The following TAS2R1 variants were observed in gnomAD, a reference collection of about 807,000 sequenced individuals.
TAS2R1 encodes the protein taste receptor type 2 member 1.
For synonymous variants in TAS2R1, 141 were observed against 134.2 expected (o/e 1.05, Z -0.35); for missense variants, 370 against 353.4 (o/e 1.05, Z -0.38).
At chr5:9,817,858 G>A in the TAS2R1 span, among the ~76,000 whole-genome samples, 1 of 151,764 alleles carries the variant, frequency 6.6e-6, no homozygotes, top group African/African-American at 2.4e-5. Context: ...CTTACATGGA[G>A]GCAGGAGAGC....
At chr5:9,838,818 C>T in the TAS2R1 span, among the ~76,000 whole-genome samples, 1 of 152,186 alleles carries the variant, frequency 6.6e-6, no homozygotes, top group Non-Finnish European at 1.5e-5. Context: ...ATCTTCAACG[C>T]TGGAAATGAT....
the TAS2R1 span, among the ~76,000 whole-genome samples, chr5:9,721,081 A>T: frequency 1.3e-5 from 2 of 152,194 alleles, no homozygotes; most frequent in African/African-American, 2.4e-5. Context: ...GCTTACCTAT[A>T]TAAATAGATA....
chr5:9,788,658 A>C, the TAS2R1 span, among the ~76,000 whole-genome samples: 1 of 152,174 alleles, frequency 6.6e-6, no homozygotes, highest in Non-Finnish European at 1.5e-5. Flanking sequence ...TTATGGGTCT[A>C]TTTGTCTTGC....
chr5:9,673,280 C>T (rs1219826345), intron 1 of TAS2R1, among the ~76,000 whole-genome samples: 1 of 152,200 alleles, frequency 6.6e-6, no homozygotes, highest in South Asian at 2.1e-4. Flanking sequence ...TGCACATTTA[C>T]CCCTGAAGCT....
chr5:9,895,494 C>T, the TAS2R1 span, among the ~76,000 whole-genome samples: 2 of 152,194 alleles, frequency 1.3e-5, no homozygotes, highest in Non-Finnish European at 2.9e-5. Context: ...CTGCTGATTA[C>T]TGGAATAGCG....
chr5:9,743,691 G>A, the TAS2R1 span, among the ~76,000 whole-genome samples: 17 of 152,208 alleles, frequency 1.1e-4, no homozygotes, highest in Non-Finnish European at 1.8e-4. Flanking sequence ...GCAATGTCAC[G>A]AATTGTACAT....
the TAS2R1 span, among the ~76,000 whole-genome samples, chr5:9,881,652 A>G: frequency 6.6e-6 from 1 of 152,252 alleles, no homozygotes; most frequent in African/African-American, 2.4e-5. Context: ...ACTGGTACAA[A>G]AATAGACACA....
intron 1 of TAS2R1, among the ~76,000 whole-genome samples, chr5:9,671,094 C>T (rs910443445): frequency 2.0e-5 from 3 of 152,160 alleles, no homozygotes; most frequent in African/African-American, 7.2e-5. Flanking sequence ...TTCAGCATCA[C>T]TTCATGTTAA....
intron 1 of TAS2R1, among the ~76,000 whole-genome samples, chr5:9,663,490 T>A (rs1431769756): frequency 6.6e-6 from 1 of 152,226 alleles, no homozygotes; most frequent in African/African-American, 2.4e-5. Context: ...AAGAAGTTTT[T>A]CACTTCATGT....
intron 2 of TAS2R1, chr5:9,641,761 A>G (rs1017174880): frequency 2.0e-5 from 3 of 152,194 alleles, no homozygotes; most frequent in Non-Finnish European, 4.4e-5. Flanking sequence ...TTTTAAAACA[A>G]TGGCACTGAG....
chr5:9,677,449 T>TAAA (rs35909122), intron 1 of TAS2R1, among the ~76,000 whole-genome samples: 2 of 148,994 alleles, frequency 1.3e-5, no homozygotes, highest in African/African-American at 4.9e-5. Flanking sequence ...AAGACAGAAT[T>TAAA]AAAAAAAAAA....
At chr5:9,806,992 T>G in the TAS2R1 span, among the ~76,000 whole-genome samples, 1 of 151,924 alleles carries the variant, frequency 6.6e-6, no homozygotes, top group Non-Finnish European at 1.5e-5. Context: ...GTCTTCATAA[T>G]CTATACATCT....
chr5:9,736,138 T>C, the TAS2R1 span, among the ~76,000 whole-genome samples: 1 of 152,230 alleles, frequency 6.6e-6, no homozygotes, highest in Non-Finnish European at 1.5e-5. Flanking sequence ...CCACTGCTCC[T>C]CTCAGTGTTT....
the TAS2R1 span, among the ~76,000 whole-genome samples, chr5:9,899,618 C>G: frequency 7.3e-6 from 1 of 136,664 alleles, no homozygotes; most frequent in African/African-American, 2.7e-5. Context: ...GCCTGGGCAA[C>G]AGAGCAAGAC....
chr5:9,632,290 C>T (rs1278346970), upstream of TAS2R1, among the ~76,000 whole-genome samples: 4 of 152,142 alleles, frequency 2.6e-5, no homozygotes, highest in Non-Finnish European at 4.4e-5. Flanking sequence ...TACTTTATTA[C>T]CAAAAAATGC....
the TAS2R1 span, among the ~76,000 whole-genome samples, chr5:9,841,425 C>T: frequency 6.6e-6 from 1 of 152,086 alleles, no homozygotes; most frequent in Admixed American, 6.6e-5. Context: ...TGTAGTTCAG[C>T]CTGGATATTT....
intron 2 of TAS2R1, among the ~76,000 whole-genome samples, chr5:9,639,579 T>TGAA (rs1740032093): frequency 6.6e-6 from 1 of 152,210 alleles, no homozygotes; most frequent in East Asian, 1.9e-4. Context: ...GATCATGATG[T>TGAA]GAGTCTCCAC....
At chr5:9,635,912 G>A (rs931214671) in intron 2 of TAS2R1, among the ~76,000 whole-genome samples, 1 of 151,346 alleles carries the variant, frequency 6.6e-6, no homozygotes, top group Admixed American at 6.6e-5. Context: ...TATCTTTTTT[G>A]TTGTTTTTGT....
At chr5:9,662,712 C>T (rs372749045) in intron 1 of TAS2R1, among the ~76,000 whole-genome samples, 141 of 152,326 alleles carry the variant, frequency 9.3e-4, no homozygotes, top group African/African-American at 2.6e-3. Flanking sequence ...ACCCAAAACT[C>T]TATCCGTGTT....
Sources: gnomAD v4.1 joint callset for allele counts (sites outside exome capture counted in the v4.1 genomes callset) on GRCh38, gnomAD v4.1.1 for gene constraint, MANE v1.5 for transcripts, NCBI Gene and HGNC (gene_info 2026-07-23, HGNC 2026-07-21) for gene names.